MNDA: variants seen among roughly 807,000 people sequenced by gnomAD.
The protein encoded by MNDA is epididymis secretory sperm binding protein.
A neutral mutation model predicts 37.8 loss-of-function variants in MNDA; 43 were observed. The ratio of observed to expected loss-of-function variants is 1.14; its 90% CI spans 0.89 to 1.47. The LOEUF is 1.47. Among genes scored for constraint, MNDA ranks in the 40% most tolerant of loss-of-function variants. The probability of loss-of-function intolerance (pLI) is 0.00; values close to 1 mark genes in which losing one functional copy is unlikely to be tolerated. For missense variants in MNDA, 536 were observed against 476.0 expected (o/e 1.13, Z -1.17); for synonymous variants, 181 against 169.0 (o/e 1.07, Z -0.55).
At chr1:158,838,560 G>A (rs538900448) in intron 1 of MNDA, among the ~76,000 whole-genome samples, 1 of 152,128 alleles carries the variant, frequency 6.6e-6, no homozygotes, top group Non-Finnish European at 1.5e-5. Context: ...GTGTCATAGT[G>A]TAAGTTTCTT....
intron 1 of MNDA, among the ~76,000 whole-genome samples, chr1:158,832,203 T>C (rs1658817727): frequency 6.6e-6 from 1 of 152,130 alleles, no homozygotes; most frequent in South Asian, 2.1e-4. Flanking sequence ...GAATCAATTA[T>C]ATATTTCCTA....
intron 1 of MNDA, among the ~76,000 whole-genome samples, chr1:158,841,149 T>C (rs1402290804): frequency 6.6e-6 from 1 of 152,128 alleles, no homozygotes; most frequent in Non-Finnish European, 1.5e-5. Flanking sequence ...TGGGAATGCT[T>C]TCCCAGATAG....
Position 158,844,073 on chromosome 1 carries a change from C to G in MNDA, c.521C>G (p.Pro174Arg). 1.2e-6 allele frequency: 2 copies of G among 1,613,134 alleles called. No individual in the cohort carries two copies. The highest frequency in any genetic ancestry group is 1.7e-6 in the Non-Finnish European group (2 of 1,179,622). Residue 174 changes from proline (P) to arginine (R), a missense_variant, in exon 4 of 7, where the codon CCA becomes CGA. Physicochemically the swap from Pro to Arg is moderately radical, Grantham distance 103. Transcript: ENST00000368141. ...ASTSAAVDHP[P>R]LPQTSSSTPS... is the part of the protein sequence containing the mutation. ...ACATCTGCAGCTGTGGATCATCCCC[C>G]ACTACCCCAGACCTCATCATCAACT...
chr1:158,848,501 A>G (rs1287821000), intron 6 of MNDA, among the ~76,000 whole-genome samples: 1 of 152,186 alleles, frequency 6.6e-6, no homozygotes, highest in Non-Finnish European at 1.5e-5. Context: ...CAGTAGATGC[A>G]GAAGACTGTG....
In MNDA at chr1:158,842,314, AAAAGTTCC is replaced by A. The variant is rs1007571384; in HGVS notation, c.164_171del (p.Lys55ArgfsTer19). ...ATTAAGATTACAGATTTGATGGAAA[AAAAGTTCC>A]AAGGCGTTGCCTGTCTAGACAAACT... On this transcript the variant is annotated frameshift_variant, in exon 2 of 7. Coordinates refer to ENST00000368141, the MANE Select transcript of MNDA (RefSeq NM_002432.3). LOFTEE classifies it high-confidence loss of function. 1 of 1,614,116 alleles carries A rather than the reference AAAAGTTCC, an allele frequency of 6.2e-7. No homozygotes were observed. The highest frequency in any genetic ancestry group is 8.5e-7 in the Non-Finnish European group (1 of 1,179,938).
intron 1 of MNDA, among the ~76,000 whole-genome samples, chr1:158,836,675 C>T (rs1479029466): frequency 6.6e-6 from 1 of 151,384 alleles, no homozygotes; most frequent in African/African-American, 2.4e-5. Context: ...AAAACCAACT[C>T]TTTTTTTTAT....
intron 2 of MNDA, among the ~76,000 whole-genome samples, chr1:158,843,050 G>A (rs1280384495): frequency 6.6e-6 from 1 of 152,200 alleles, no homozygotes; most frequent in Non-Finnish European, 1.5e-5. Flanking sequence ...TGTTCTCACT[G>A]CAAAGGGGAG....
chr1:158,842,133 G>A lies in MNDA; in HGVS notation c.-20-1G>A. On this transcript the variant is annotated splice_acceptor_variant, in intron 1 of 6. Transcript: ENST00000368141. LOFTEE classifies it low-confidence loss of function (5UTR_SPLICE). ...TGTTGTGTGTCATTTTTACTTTATA[G>A]GCCAAGCTATAACATCAGAAATGGT... The A allele has an allele frequency of 6.3e-7, 1 of 1,587,254 alleles. No homozygotes were observed. The highest frequency in any genetic ancestry group is 8.6e-7 in the Non-Finnish European group (1 of 1,168,556).
rs1462802228 is a variant in MNDA, at chr1:158,845,822, C to A, written c.806C>A (p.Ser269Tyr). The A allele has an allele frequency of 1.2e-6, 2 of 1,614,082 alleles. No individual in the cohort carries two copies. The highest frequency in any genetic ancestry group is 3.3e-5 in the Admixed American group (2 of 60,006). ...KFVRKKVITISDYSECKGVME... is the reference protein window; with the variant it reads ...KFVRKKVITIYDYSECKGVME... ...GTAAGGAAGAAGGTCATTACCATAT[C>A]TGATTACTCTGAATGTAAAGGAGTA... Residue 269 changes from serine to tyrosine, a missense_variant, in exon 5 of 7, where the codon TCT (serine) becomes TAT (tyrosine). Ser to Tyr is a moderately radical substitution (Grantham distance 144). Transcript: ENST00000368141.
At chr1:158,838,849 G>T (rs1270819208) in intron 1 of MNDA, among the ~76,000 whole-genome samples, 1 of 152,076 alleles carries the variant, frequency 6.6e-6, no homozygotes, top group African/African-American at 2.4e-5. Flanking sequence ...CTGCCTATTG[G>T]TGTGGGCTGA....
intron 6 of MNDA, 68 bp downstream of exon 6, chr1:158,847,984 A>G: frequency 5.6e-6 from 8 of 1,441,404 alleles, no homozygotes; most frequent in Non-Finnish European, 7.6e-6. Flanking sequence ...CTTTGGGAAC[A>G]CCAGGTTCCT....
chr1:158,844,047 CA>C lies in MNDA; in HGVS notation c.496del (p.Thr166HisfsTer47). 6.2e-7 allele frequency: 1 copy of C among 1,613,852 alleles called. No individual in the cohort carries two copies. Among genetic ancestry groups the C allele is most frequent in the South Asian group, 1.1e-5 (1 of 91,050 alleles). On this transcript the variant is annotated frameshift_variant, in exon 4 of 7. Coordinates refer to ENST00000368141, the MANE Select transcript of MNDA (RefSeq NM_002432.3). LOFTEE classifies it high-confidence loss of function. ...SKPPGPSGASTSAAVDHPPLP... is the reference protein window; with the variant it reads ...SKPPGPSGASXSAAVDHPPLP... The stretch of plus-strand genomic sequence containing the variant: ...AGCCCCCAGGTCCCTCAGGAGCCAG[CA>C]CATCTGCAGCTGTGGATCATCCCCC...
chr1:158,833,173 T>C lies in MNDA; in HGVS notation c.-21+1616T>C, dbSNP rs115369587. On this transcript the variant is annotated intron_variant, in intron 1 of 6. Transcript: ENST00000368141. ...GATAGTAAAAACACTAATTAAAGTA[T>C]TTGCTTGATCTTTCTTCCCTTTTGG... 7.7e-3 allele frequency among the ~76,000 whole-genome samples: 1,172 copies of C among 152,280 alleles called. 17 individuals are homozygous for C. Among genetic ancestry groups the C allele is most frequent in the African/African-American group, 0.027 (1,104 of 41,562 alleles).
Position 158,842,638 on chromosome 1 carries a change from TA to T in MNDA, c.265+226del, listed in dbSNP as rs1472494868. The T allele has an allele frequency of 7.8e-5, 29 of 373,052 alleles. No homozygotes were observed. The East Asian group carries it at 1.2e-3, about 16-fold the overall frequency. 23.1% of individuals were successfully genotyped at this position (373,052 alleles called of 1,614,324 possible). A position where few individuals can be genotyped will look rare whatever the true frequency, so the allele number is the denominator to read the frequency against. ...TAGAAGAATGTATTTGAGGTAAGGA[TA>T]AAAAACCAAAGACAGGGATTTATGA... On this transcript the variant is annotated intron_variant, in intron 2 of 6. Transcript: ENST00000368141.
chr1:158,836,655 A>T lies in MNDA; in HGVS notation c.-21+5098A>T, dbSNP rs79198505. Among the ~76,000 whole-genome samples the T allele has an allele frequency of 5.2e-3, 793 of 151,734 alleles. 14 individuals carry two copies. The highest frequency in any genetic ancestry group is 0.025 in the East Asian group (127 of 5,178). ...AGTTAAAGTTCTGTCAGTATTATTC[A>T]CATTTTCAGAAAACCAACTCTTTTT... On this transcript the variant is annotated intron_variant, in intron 1 of 6. Coordinates refer to ENST00000368141, the MANE Select transcript of MNDA (RefSeq NM_002432.3).
At chr1:158,844,261 C>A in intron 4 of MNDA, 139 bp downstream of exon 4, 1 of 929,618 alleles carries the variant, frequency 1.1e-6, no homozygotes, top group Non-Finnish European at 1.6e-6. Flanking sequence ...ATTATGATAA[C>A]TTGTTTACAT....
rs760882833 is a variant in MNDA, at chr1:158,845,972, C to A, written c.956C>A (p.Thr319Lys). 19 of 1,613,858 alleles carry A rather than the reference C, an allele frequency of 1.2e-5. No individual in the cohort carries two copies. The highest frequency in any genetic ancestry group is 1.5e-5 in the Non-Finnish European group (18 of 1,179,866). Residue 319 changes from threonine to lysine, a missense_variant, in exon 5 of 7, where the codon ACA (threonine) becomes AAA (lysine). Coordinates refer to ENST00000368141, the MANE Select transcript of MNDA (RefSeq NM_002432.3). ...ISQLYKQASGTMVYGLFMLQK... is the reference protein window; with the variant it reads ...ISQLYKQASGKMVYGLFMLQK... ...CAACTTTACAAGCAAGCATCTGGAA[C>A]AATGGTGTATGGGTTGTTTATGTTA...
At chr1:158,837,262 A>T (rs1008403399) in intron 1 of MNDA, among the ~76,000 whole-genome samples, 16 of 151,642 alleles carry the variant, frequency 1.1e-4, no homozygotes, top group African/African-American at 3.6e-4. Context: ...TTTTTTCCAA[A>T]TTTTCTTCTG....
In MNDA at chr1:158,842,301, G is replaced by A; in HGVS notation, c.148G>A (p.Asp50Asn). ...GGAATACAACAGAATTAAGATTACAGATTTGATGGAAAAAAAGTTCCAAGG... is the reference window on the plus strand; with the variant it reads ...GGAATACAACAGAATTAAGATTACAAATTTGATGGAAAAAAAGTTCCAAGG... ...QEEYNRIKIT[D>N]LMEKKFQGVA... Residue 50 changes from aspartate (D) to asparagine (N), a missense_variant, in exon 2 of 7, where the codon GAT becomes AAT. Asp to Asn is a conservative substitution (Grantham distance 23). Transcript: ENST00000368141. The A allele has an allele frequency of 6.2e-7, 1 of 1,614,126 alleles. No homozygotes were observed. Among genetic ancestry groups the A allele is most frequent in the Non-Finnish European group, 8.5e-7 (1 of 1,179,990 alleles).
Sources: allele counts gnomAD v4.1 joint callset (sites outside exome capture counted in the v4.1 genomes callset), GRCh38; gene constraint gnomAD v4.1.1; transcripts MANE v1.5; gene names NCBI Gene and HGNC (gene_info 2026-07-23, HGNC 2026-07-21).